Variants in TBX15 observed in about 807,000 individuals in gnomAD.
TBX15 encodes T-box transcription factor 15.
TBX15 carries 18 observed loss-of-function variants against 53.9 expected under a neutral mutation model. That is an observed-to-expected ratio of 0.33 (90% CI 0.23 to 0.49). The LOEUF (loss-of-function observed/expected upper bound fraction) is 0.49. TBX15 is among the 20% of genes least tolerant of loss of function. The pLI, the probability that TBX15 is intolerant of heterozygous loss-of-function variation, is 0.98. For synonymous variants in TBX15, 295 were observed against 278.0 expected (o/e 1.06, Z -0.61); for missense variants, 692 against 749.5 (o/e 0.92, Z 0.90).
intron 5 of TBX15, 65 bp from the exon 6 acceptor site, chr1:118,914,244 G>C: frequency 7.0e-7 from 1 of 1,432,600 alleles, no homozygotes; most frequent in Non-Finnish European, 9.8e-7. Context: ...AGTACTCCTA[G>C]AAAATTACAA....
chr1:118,943,364 T>C (rs1656246030), intron 1 of TBX15, among the ~76,000 whole-genome samples: 1 of 151,762 alleles, frequency 6.6e-6, no homozygotes, highest in African/African-American at 2.4e-5. Context: ...AACTGAATGG[T>C]GTTAGGAGAA....
intron 7 of TBX15, among the ~76,000 whole-genome samples, chr1:118,897,501 G>A (rs375261818): frequency 2.5e-4 from 38 of 152,304 alleles, no homozygotes; most frequent in African/African-American, 8.4e-4. Flanking sequence ...AGTAAAGCAA[G>A]GGCAGAGAAG....
At chr1:118,896,548 G>GA (rs1358051285) in intron 7 of TBX15, among the ~76,000 whole-genome samples, 2 of 152,136 alleles carry the variant, frequency 1.3e-5, no homozygotes, top group Non-Finnish European at 2.9e-5. Context: ...CTCATATGCT[G>GA]AAACAATGAG....
At chr1:118,953,079 GAA>G (rs60529520) in intron 1 of TBX15, among the ~76,000 whole-genome samples, 2 of 138,446 alleles carry the variant, frequency 1.4e-5, no homozygotes, top group Admixed American at 1.5e-4. Context: ...AATAGTTTCT[GAA>G]AAAAAAAAAA....
At chr1:118,910,694 C>T (rs991356416) in intron 6 of TBX15, among the ~76,000 whole-genome samples, 8 of 152,106 alleles carry the variant, frequency 5.3e-5, no homozygotes, top group Admixed American at 1.3e-4. Context: ...CCTTACTTGC[C>T]GTAGCAATTT....
chr1:118,937,253 G>T (rs1413658713), intron 1 of TBX15, among the ~76,000 whole-genome samples: 1 of 152,130 alleles, frequency 6.6e-6, no homozygotes, highest in Non-Finnish European at 1.5e-5. Flanking sequence ...ATTATGTAAA[G>T]GTAGAGGAGA....
chr1:118,896,396 T>C (rs2101488796), intron 7 of TBX15, among the ~76,000 whole-genome samples: 1 of 152,208 alleles, frequency 6.6e-6, no homozygotes, highest in African/African-American at 2.4e-5. Context: ...AGCAGATGAG[T>C]CTTAATGACA....
chr1:118,920,164 T>C (rs1655376317), intron 5 of TBX15, among the ~76,000 whole-genome samples: 1 of 152,180 alleles, frequency 6.6e-6, no homozygotes, highest in African/African-American at 2.4e-5. Context: ...TCATACTGTT[T>C]ATTTGTAAAA....
chr1:118,971,083 G>C (rs1174994732), intron 1 of TBX15, among the ~76,000 whole-genome samples: 2 of 152,142 alleles, frequency 1.3e-5, no homozygotes, highest in Non-Finnish European at 2.9e-5. Flanking sequence ...AGAAAACAGA[G>C]GCTGCCGTGG....
At chr1:118,956,252 T>C (rs562142202) in intron 1 of TBX15, among the ~76,000 whole-genome samples, 5 of 152,164 alleles carry the variant, frequency 3.3e-5, no homozygotes, top group Non-Finnish European at 7.3e-5. Flanking sequence ...GACAATAATC[T>C]TGAATTAGAT....
chr1:118,942,061 A>G (rs1656194624), intron 1 of TBX15, among the ~76,000 whole-genome samples: 1 of 152,232 alleles, frequency 6.6e-6, no homozygotes, highest in Non-Finnish European at 1.5e-5. Context: ...ATTATTATCT[A>G]AGAGAAATGG....
At chr1:118,983,242 C>G (rs754335262) in intron 1 of TBX15, among the ~76,000 whole-genome samples, 9 of 152,338 alleles carry the variant, frequency 5.9e-5, no homozygotes, top group Middle Eastern at 3.4e-3. Flanking sequence ...ACAGTCCAAA[C>G]TCTACATCTG....
intron 7 of TBX15, among the ~76,000 whole-genome samples, chr1:118,887,018 C>T (rs768049289): frequency 2.6e-5 from 4 of 152,172 alleles, no homozygotes; most frequent in South Asian, 4.1e-4. Flanking sequence ...ATGACCTTTA[C>T]GAGCCTCCTC....
intron 1 of TBX15, among the ~76,000 whole-genome samples, chr1:118,948,786 C>G (rs1656423202): frequency 6.6e-6 from 1 of 152,152 alleles, no homozygotes; most frequent in South Asian, 2.1e-4. Context: ...CCAGAAAGAC[C>G]CTACCATGGT....
intron 1 of TBX15, among the ~76,000 whole-genome samples, chr1:118,941,436 G>A (rs1223121874): frequency 6.6e-6 from 1 of 152,164 alleles, no homozygotes; most frequent in Non-Finnish European, 1.5e-5. Flanking sequence ...ATAAACATTT[G>A]AGCACAGCCA....
At chr1:118,986,614 G>A (rs916032236) in intron 1 of TBX15, among the ~76,000 whole-genome samples, 3 of 152,198 alleles carry the variant, frequency 2.0e-5, no homozygotes, top group Non-Finnish European at 4.4e-5. Context: ...TCCCAGTGCA[G>A]GCCGCTGCCC....
intron 3 of TBX15, among the ~76,000 whole-genome samples, chr1:118,925,033 G>A (rs1655547235): frequency 6.6e-6 from 1 of 152,116 alleles, no homozygotes. Flanking sequence ...AAGATGGAGT[G>A]GGGAGGGCAG....
In TBX15 at chr1:118,954,992, T is replaced by C. The variant is rs572833935; in HGVS notation, c.206-23160A>G. ...CTTCAGGCTTCATCAGGCCCAAGAG[T>C]GAGACCCACAAAGGGAGTGTGAAGA... On this transcript the variant is annotated intron_variant, in intron 1 of 7. Transcript: ENST00000369429. 1.3e-3 allele frequency among the ~76,000 whole-genome samples: 202 copies of C among 152,218 alleles called. 1 individual carries two copies. The highest frequency in any genetic ancestry group is 4.7e-3 in the African/African-American group (194 of 41,540).
chr1:118,891,605 G>T (rs1257785361), intron 7 of TBX15, among the ~76,000 whole-genome samples: 1 of 152,126 alleles, frequency 6.6e-6, no homozygotes. Flanking sequence ...AAATGGAGAT[G>T]ACTCAATTAA....
Sources: gnomAD v4.1 joint callset for allele counts (sites outside exome capture counted in the v4.1 genomes callset) on GRCh38, gnomAD v4.1.1 for gene constraint, MANE v1.5 for transcripts, NCBI Gene and HGNC (gene_info 2026-07-23, HGNC 2026-07-21) for gene names.